Variants in RNF180 observed in about 807,000 individuals in gnomAD.
RNF180 encodes E3 ubiquitin-protein ligase RNF180.
Under a neutral mutation model 59.2 loss-of-function variants are expected in RNF180, and 38 were observed. The ratio of observed to expected loss-of-function variants is 0.64; its 90% CI spans 0.50 to 0.84. The LOEUF (loss-of-function observed/expected upper bound fraction) is 0.84. RNF180 is among the 40% of genes least tolerant of loss of function. The probability of loss-of-function intolerance (pLI) is 0.00; values close to 1 mark genes in which losing one functional copy is unlikely to be tolerated. For synonymous variants in RNF180, 262 were observed against 240.3 expected, an observed-to-expected ratio of 1.09 and a Z score of -0.84; for missense variants, 705 against 700.9, an observed-to-expected ratio of 1.01 and a Z score of -0.07.
At chr5:64,295,403 A>C (rs1467046755) in intron 5 of RNF180, among the ~76,000 whole-genome samples, 1 of 152,214 alleles carries the variant, frequency 6.6e-6, no homozygotes, top group Non-Finnish European at 1.5e-5. Context: ...TTAATGCTCT[A>C]TGGGGAAAAC....
At chr5:64,208,610 T>C (rs1752145771) in intron 2 of RNF180, among the ~76,000 whole-genome samples, 2 of 152,086 alleles carry the variant, frequency 1.3e-5, no homozygotes, top group Admixed American at 1.3e-4. Context: ...GTATTTTTTC[T>C]AAGACTGTGT....
At chr5:64,312,482 G>A (rs1743815470) in intron 5 of RNF180, among the ~76,000 whole-genome samples, 1 of 152,076 alleles carries the variant, frequency 6.6e-6, no homozygotes, top group Admixed American at 6.6e-5. Flanking sequence ...AAGTAGCAAT[G>A]AAAATAAGAG....
In RNF180 at chr5:64,257,413, C is replaced by T. The variant is rs373283654; in HGVS notation, c.1227+40017C>T. Among the ~76,000 whole-genome samples, 16 of 150,672 alleles carry T rather than the reference C, an allele frequency of 1.1e-4. No homozygotes were observed. The East Asian group carries it at 2.2e-3, about 20-fold the overall frequency. On this transcript the variant is annotated intron_variant, in intron 5 of 7. Transcript: ENST00000389100. Reference sequence around the variant, plus strand: ...ATTTATTGAGAGTTTTTAGCATGAACGGCTGTTGAATTTTGTCAAAGGCAT... The same window carrying T: ...ATTTATTGAGAGTTTTTAGCATGAATGGCTGTTGAATTTTGTCAAAGGCAT...
intron 5 of RNF180, among the ~76,000 whole-genome samples, chr5:64,302,402 ACT>A (rs1743205657): frequency 6.6e-6 from 1 of 151,304 alleles, no homozygotes; most frequent in Admixed American, 6.6e-5. Context: ...TGGTTTTTAA[ACT>A]CTGAATTTTA....
chr5:64,247,319 A>G (rs909654684), intron 5 of RNF180, among the ~76,000 whole-genome samples: 2 of 152,192 alleles, frequency 1.3e-5, no homozygotes, highest in African/African-American at 4.8e-5. Context: ...GAGGAAGTCA[A>G]ATTGTCTCTG....
At chr5:64,265,520 A>G (rs943436835) in intron 5 of RNF180, among the ~76,000 whole-genome samples, 2 of 152,124 alleles carry the variant, frequency 1.3e-5, no homozygotes, top group Non-Finnish European at 2.9e-5. Context: ...CAGGTTTGTC[A>G]AAGATCAGAT....
intron 7 of RNF180, among the ~76,000 whole-genome samples, chr5:64,361,504 C>A (rs1357940759): frequency 6.6e-6 from 1 of 151,482 alleles, no homozygotes; most frequent in African/African-American, 2.4e-5. Flanking sequence ...TTCAATTCTT[C>A]AGATTCCTTG....
intron 7 of RNF180, among the ~76,000 whole-genome samples, chr5:64,331,103 G>A (rs959956923): frequency 1.3e-5 from 2 of 152,232 alleles, no homozygotes; most frequent in African/African-American, 2.4e-5. Flanking sequence ...TGACATGCCA[G>A]CCCCCTGCTG....
chr5:64,357,443 A>C (rs1045286543), intron 7 of RNF180, among the ~76,000 whole-genome samples: 10 of 151,840 alleles, frequency 6.6e-5, no homozygotes, highest in Admixed American at 5.3e-4. Context: ...CCTTTTTAAT[A>C]CTAATTTCAA....
rs966264453 is a variant in RNF180, at chr5:64,371,903, A to G, written c.*2089A>G. On this transcript the variant is annotated 3_prime_UTR_variant, in exon 8 of 8. Transcript: ENST00000389100. ...AAGAAACCAGTTTCTTCTGGTATGT[A>G]GCACACAGTAGCCATTCAAAATAAA... The G allele has an allele frequency of 2.0e-5, 3 of 151,640 alleles. No individual in the cohort carries two copies. The highest frequency in any genetic ancestry group is 3.0e-5 in the Non-Finnish European group (2 of 67,738). 9.4% of individuals were successfully genotyped at this position (151,640 alleles called of 1,614,324 possible).
chr5:64,364,818 T>C (rs953097071), intron 7 of RNF180, among the ~76,000 whole-genome samples: 1 of 151,610 alleles, frequency 6.6e-6, no homozygotes, highest in South Asian at 2.1e-4. Context: ...TGTCCAGGAG[T>C]TTGTCCATTT....
At chr5:64,182,463 A>G (rs1423137075) in intron 1 of RNF180, among the ~76,000 whole-genome samples, 4 of 152,234 alleles carry the variant, frequency 2.6e-5, no homozygotes, top group Non-Finnish European at 2.9e-5. Context: ...AAACATTCAA[A>G]GAAAACAAGC....
At chr5:64,347,119 G>A (rs531429656) in intron 7 of RNF180, among the ~76,000 whole-genome samples, 33 of 152,282 alleles carry the variant, frequency 2.2e-4, no homozygotes, top group Non-Finnish European at 3.4e-4. Flanking sequence ...TGCAAGTTTG[G>A]TTGGAAACTA....
At chr5:64,315,931 ATAAG>A (rs1204506660) in intron 5 of RNF180, among the ~76,000 whole-genome samples, 1 of 152,052 alleles carries the variant, frequency 6.6e-6, no homozygotes, top group Non-Finnish European at 1.5e-5. Context: ...TTTTTTTCCC[ATAAG>A]TGAGTATAAT....
intron 7 of RNF180, among the ~76,000 whole-genome samples, chr5:64,355,588 G>C (rs974845148): frequency 2.6e-5 from 4 of 151,718 alleles, no homozygotes; most frequent in Admixed American, 2.0e-4. Flanking sequence ...AATTTTAAGG[G>C]GTCTTGCATA....
chr5:64,275,963 A>G (rs1360732935), intron 5 of RNF180, among the ~76,000 whole-genome samples: 1 of 151,924 alleles, frequency 6.6e-6, no homozygotes, highest in Non-Finnish European at 1.5e-5. Flanking sequence ...AAAACTCCAA[A>G]CCTTATGGAA....
intron 1 of RNF180, among the ~76,000 whole-genome samples, chr5:64,171,810 T>A (rs2065706043): frequency 6.6e-6 from 1 of 152,144 alleles, no homozygotes; most frequent in African/African-American, 2.4e-5. Flanking sequence ...TTCCTAAAAT[T>A]TGTTTTAATT....
intron 5 of RNF180, among the ~76,000 whole-genome samples, chr5:64,223,835 A>G (rs11743978): frequency 0.45 from 68,484 of 151,974 alleles, 16,897 homozygotes; most frequent in African/African-American, 0.66. Context: ...ATGAAATATC[A>G]TCGCTTCCTG....
At chr5:64,288,376 T>C (rs1329456468) in intron 5 of RNF180, among the ~76,000 whole-genome samples, 5 of 152,238 alleles carry the variant, frequency 3.3e-5, no homozygotes, top group Non-Finnish European at 7.3e-5. Flanking sequence ...TTGCCTTTGC[T>C]ATTTGGGCTC....
Sources: allele counts gnomAD v4.1 joint callset (sites outside exome capture counted in the v4.1 genomes callset), GRCh38; gene constraint gnomAD v4.1.1; transcripts MANE v1.5; gene names NCBI Gene and HGNC (gene_info 2026-07-23, HGNC 2026-07-21).